TTN: variants seen among roughly 807,000 people sequenced by gnomAD.
TTN encodes the protein connectin.
A neutral mutation model predicts 3,223.0 loss-of-function variants in TTN; 1,525 were observed. The ratio of observed to expected loss-of-function variants is 0.47; its 90% confidence interval spans 0.45 to 0.49. TTN has a LOEUF of 0.49. TTN is among the 20% of genes least tolerant of loss of function. The pLI, the probability that TTN is intolerant of heterozygous loss-of-function variation, is 0.00. For synonymous variants in TTN, 14,094 were observed against 15,161.0 expected (o/e 0.93, Z 5.17); for missense variants, 40,786 against 43,424.0 (o/e 0.94, Z 5.40).
In TTN at chr2:178,647,296, A is replaced by G. The variant is rs887988868; in HGVS notation, c.40141+85T>C. On this transcript the variant is annotated intron_variant, in intron 214 of 362. Coordinates refer to ENST00000589042, the MANE Select transcript of TTN (RefSeq NM_001267550.2). ...ATATCAATAACTTCAATACAGACAGACAAATACGTAAGATTCATCTACAAT... is the reference window on the plus strand; with the variant it reads ...ATATCAATAACTTCAATACAGACAGGCAAATACGTAAGATTCATCTACAAT... 531 of 1,453,634 alleles carry G rather than the reference A, an allele frequency of 3.7e-4. 1 individual carries two copies. The highest frequency in any genetic ancestry group is 4.5e-4 in the Non-Finnish European group (481 of 1,066,148). 90.0% of individuals were successfully genotyped at this position (1,453,634 alleles called of 1,614,324 possible). A position where few individuals can be genotyped will look rare whatever the true frequency, so the allele number is the denominator to read the frequency against.
chr2:178,625,518 G>GC (rs1223165638), intron 240 of TTN, 122 bp from the exon 241 acceptor site: 17 of 1,033,984 alleles, frequency 1.6e-5, no homozygotes, highest in Admixed American at 1.2e-4. Flanking sequence ...CATCTATTTA[G>GC]CACGTATGCA....
intron 102 of TTN, among the ~76,000 whole-genome samples, chr2:178,706,225 G>C (rs928362949): frequency 6.6e-6 from 1 of 152,192 alleles, no homozygotes; most frequent in Non-Finnish European, 1.5e-5. Context: ...AAATGGCATA[G>C]TATTTGCATG....
chr2:178,673,744 G>T (rs746232113), intron 151 of TTN, 34 bp from the exon 152 acceptor site: 8 of 1,509,524 alleles, frequency 5.3e-6, no homozygotes, highest in South Asian at 2.5e-5. Flanking sequence ...TTTGAAAAGT[G>T]GCATGTGATG....
intron 109 of TTN, 150 bp from the exon 110 acceptor site, chr2:178,701,737 T>G: frequency 1.2e-6 from 1 of 860,188 alleles, no homozygotes; most frequent in South Asian, 1.9e-5. Context: ...TTAGTATTCT[T>G]TTGTATGCAA....
intron 336 of TTN, 103 bp downstream of exon 336, chr2:178,550,864 G>A: frequency 9.6e-7 from 1 of 1,044,180 alleles, no homozygotes; most frequent in Middle Eastern, 2.8e-4. Flanking sequence ...TAGCAACCTT[G>A]GGTAATTTGT....
rs35683768 is a variant in TTN, at chr2:178,802,255, C to A, written c.178G>T (p.Asp60Tyr). ...TLPGVQISFSDGRAKLTIPAV... is the reference protein window; with the variant it reads ...TLPGVQISFSYGRAKLTIPAV... ...GGGATCGTCAGTTTAGCGCGGCCAT[C>A]GCTAAAGGAGATCTGCACGCCGGGC... The change falls in exon 3 of 363, where the codon GAT becomes TAT. Residue 60 changes from aspartate (D) to tyrosine (Y), a missense_variant. Transcript: ENST00000589042. 16,713 of 1,614,044 alleles carry A rather than the reference C, an allele frequency of 0.01. 229 individuals carry two copies. The highest frequency in any genetic ancestry group is 0.068 in the African/African-American group (5,078 of 74,978).
rs779378260 is a variant in TTN at position 178,719,556 on chromosome 2, G to A, written c.23936C>T (p.Ser7979Phe). 1 of 1,601,768 alleles carries A rather than the reference G, an allele frequency of 6.2e-7. No individual in the cohort carries two copies. The highest frequency in any genetic ancestry group is 8.5e-7 in the Non-Finnish European group (1 of 1,171,846). The change falls in exon 82 of 363, where the codon TCT becomes TTT. Residue 7979 changes from serine (S) to phenylalanine (F), a missense_variant and splice_region_variant. Coordinates refer to ENST00000589042, the MANE Select transcript of TTN (RefSeq NM_001267550.2). ...CATAAAAATCTCATTCTACTCACCA[G>A]AAACATGGACGGATACAGTGCAGTT... The part of the protein sequence containing the change: ...KSNCTVSVHV[S>F]DRIVPPSFIR...
rs755607394 is a variant in TTN, at chr2:178,624,706, A to G, written c.44574T>C (p.Pro14858=). The change falls in exon 242 of 363, where the codon CCT becomes CCC. Residue 14858 remains proline, a synonymous_variant. Transcript: ENST00000589042. The part of the protein sequence containing the change: ...VKEPPVEFTK[P]LEDQTVEEGA... Reference sequence around the variant, plus strand: ...CCTCTTCGACCGTCTGGTCCTCAAGAGGCTTAGTGAATTCAACTGGGGGTT... The same window carrying G: ...CCTCTTCGACCGTCTGGTCCTCAAGGGGCTTAGTGAATTCAACTGGGGGTT... The G allele has an allele frequency of 6.2e-7, 1 of 1,612,268 alleles. No individual in the cohort carries two copies. The highest frequency in any genetic ancestry group is 2.2e-5 in the East Asian group (1 of 44,674).
In TTN at chr2:178,679,674, C is replaced by T; in HGVS notation, c.33589G>A (p.Val11197Ile). Reference protein sequence around the residue: ...VPVIPVKVPEVPRKPVPEEKK... With the variant: ...VPVIPVKVPEIPRKPVPEEKK... ...TCTTCTGGAACAGGTTTCCTGGGTA[C>T]CTCAGGCACTTTAAAGATATTATTA... Residue 11197 changes from valine to isoleucine, a missense_variant, in exon 141 of 363, where the codon GTA becomes ATA. Physicochemically the swap from Val to Ile is conservative, Grantham distance 29 (BLOSUM62 3). Transcript: ENST00000589042. The T allele has an allele frequency of 1.2e-6, 2 of 1,607,500 alleles. No homozygotes were observed. Among genetic ancestry groups the T allele is most frequent in the Non-Finnish European group, 8.5e-7 (1 of 1,177,978 alleles).
At position 178,536,481 on chromosome 2, in the gene TTN, T is replaced by A; in HGVS notation, c.100266A>T (p.Ala33422=). The A allele has an allele frequency of 6.3e-7, 1 of 1,582,914 alleles. No individual in the cohort carries two copies. The highest frequency in any genetic ancestry group is 8.6e-7 in the Non-Finnish European group (1 of 1,163,932). ...TCTCAAGGTAGTAATTTCTAATCTTTGCACCTCCATCACTGGCAGGTGGCT... is the reference window on the plus strand; with the variant it reads ...TCTCAAGGTAGTAATTTCTAATCTTAGCACCTCCATCACTGGCAGGTGGCT... ...AWKPPASDGG[A]KIRNYYLEKR... The change falls in exon 357 of 363, where the codon GCA becomes GCT. Residue 33422 remains alanine (A), a synonymous_variant. Transcript: ENST00000589042.
Position 178,564,359 on chromosome 2 carries a change from G to C in TTN, c.81773C>G (p.Ser27258Cys), listed in dbSNP as rs755629282. Residue 27258 changes from serine (S) to cysteine (C), a missense_variant, in exon 326 of 363, where the codon TCT becomes TGT. Ser to Cys is a moderately radical substitution (Grantham distance 112). Coordinates refer to ENST00000589042, the MANE Select transcript of TTN (RefSeq NM_001267550.2). ...TGCAGTAATGGCACCACTACTATCA[G>C]ATGGTTCACTAAAGTTTCCAGCTGC... ...RNAAGNFSEP[S>C]DSSGAITARD... 6.2e-7 allele frequency: 1 copy of C among 1,613,680 alleles called. No individual in the cohort carries two copies. The highest frequency in any genetic ancestry group is 8.5e-7 in the Non-Finnish European group (1 of 1,179,754).
intron 2 of TTN, 67 bp from the exon 3 acceptor site, chr2:178,802,408 T>C (rs2094115145): frequency 6.5e-7 from 1 of 1,529,616 alleles, no homozygotes; most frequent in African/African-American, 1.4e-5. Context: ...CTCTGTCCCA[T>C]CATGTTCACT....
chr2:178,712,159 A>G lies in TTN; in HGVS notation c.27671T>C (p.Leu9224Pro). Residue 9224 changes from leucine (L) to proline (P), a missense_variant, in exon 96 of 363, where the codon CTA becomes CCA. Transcript: ENST00000589042. ...AGGGGTTCCAGCAAGCTGGCATTGT[A>G]GAGAGGCAGAATCTCCAACAGACAC... is the stretch of plus-strand genomic sequence containing the variant. ...VKVSVGDSAS[L>P]QCQLAGTPEI... The G allele has an allele frequency of 6.2e-7, 1 of 1,613,812 alleles. No individual in the cohort carries two copies. Among genetic ancestry groups the G allele is most frequent in the Middle Eastern group, 1.7e-4 (1 of 6,056 alleles).
In TTN at chr2:178,650,900, G is replaced by A. The variant is rs551137243; in HGVS notation, c.39626-66C>T. ...AAGTATATTAAATTTATACCACATC[G>A]ACTTCACATTTTGCTCAAATAACCC... On this transcript the variant is annotated intron_variant, in intron 208 of 362. Coordinates refer to ENST00000589042, the MANE Select transcript of TTN (RefSeq NM_001267550.2). 68 of 1,477,732 alleles carry A rather than the reference G, an allele frequency of 4.6e-5. No homozygotes were observed. The Middle Eastern group carries it at 8.7e-4, about 19-fold the overall frequency. The allele number at this position is 1,477,732 out of a possible 1,614,324, so 91.5% of individuals were successfully genotyped here. A position where few individuals can be genotyped will look rare whatever the true frequency, so the allele number is the denominator to read the frequency against.
Position 178,569,272 on chromosome 2 carries a change from A to G in TTN, c.76860T>C (p.Ile25620=). 1 of 1,608,008 alleles carries G rather than the reference A, an allele frequency of 6.2e-7. No individual in the cohort carries two copies. The highest frequency in any genetic ancestry group is 1.7e-5 in the Admixed American group (1 of 59,530). The stretch of plus-strand genomic sequence containing the variant: ...CATCCAACAAAGGAGGTTCCCATGT[A>G]ATTGATACTGAGTCTTTGGTGATTT... ...VTEITKDSVS[I]TWEPPLLDGG... The change falls in exon 326 of 363, where the codon ATT becomes ATC. Residue 25620 remains isoleucine (I), a synonymous_variant. Transcript: ENST00000589042.
rs781167167 is a variant in TTN at position 178,618,578 on chromosome 2, G to T, written c.46966+6C>A. 2.0e-5 allele frequency: 32 copies of T among 1,611,088 alleles called. 1 individual carries two copies. The Admixed American group carries it at 4.9e-4, about 24-fold the overall frequency. On this transcript the variant is annotated splice_donor_region_variant and intron_variant, in intron 251 of 362. Coordinates refer to ENST00000589042, the MANE Select transcript of TTN (RefSeq NM_001267550.2). ...CCAATTAAGTCTGAGAGACCCAAGG[G>T]CTTACCAATAACTTTTAAATTGATG...
At position 178,683,214 on chromosome 2, in the gene TTN, T is replaced by G; in HGVS notation, c.32884A>C (p.Lys10962Gln). Residue 10962 changes from lysine (K) to glutamine (Q), a missense_variant, in exon 134 of 363, where the codon AAA (lysine) becomes CAA (glutamine). Lys to Gln is a moderately conservative substitution (Grantham distance 53). Transcript: ENST00000589042. ...EAPKREPQPI[K>Q]EVTIMEEKER... ...ACTTAATCAAAGTTCAATATACCTT[T>G]GATGGGTTGAGGTTCTCTTTTTGGA... 6.5e-7 allele frequency: 1 copy of G among 1,548,394 alleles called. No homozygotes were observed. The highest frequency in any genetic ancestry group is 8.8e-7 in the Non-Finnish European group (1 of 1,142,562).
At chr2:178,550,479 G>T (rs559195560) in intron 336 of TTN, 4 of 531,092 alleles carry the variant, frequency 7.5e-6, no homozygotes, top group African/African-American at 5.7e-5. Context: ...CCTTTGTAAT[G>T]CCTGTCATGT....
In TTN at chr2:178,634,243, G is replaced by A; in HGVS notation, c.42415+123C>T. Reference sequence around the variant, plus strand: ...AAAACAAATTAAGGGGGGTTGTTTTGGTAACACTGTGAAAGTTAATTAGTG... The same window carrying A: ...AAAACAAATTAAGGGGGGTTGTTTTAGTAACACTGTGAAAGTTAATTAGTG... On this transcript the variant is annotated intron_variant, in intron 230 of 362. Coordinates refer to ENST00000589042, the MANE Select transcript of TTN (RefSeq NM_001267550.2). This position sits in a 1 kb window ranked among gnomAD's most constrained non-coding sequence, Gnocchi z 4.6. 6.7e-7 allele frequency: 1 copy of A among 1,481,956 alleles called. No individual in the cohort carries two copies. Among genetic ancestry groups the A allele is most frequent in the Non-Finnish European group, 8.9e-7 (1 of 1,118,716 alleles). The allele number at this position is 1,481,956 out of a possible 1,614,324, so 91.8% of individuals were successfully genotyped here.
Sources: allele counts gnomAD v4.1 joint callset (sites outside exome capture counted in the v4.1 genomes callset), GRCh38; gene constraint gnomAD v4.1.1; non-coding constraint Gnocchi (gnomAD v3.1); transcripts MANE v1.5; gene names NCBI Gene and HGNC (gene_info 2026-07-23, HGNC 2026-07-21).